The following BACE2 variants were observed in gnomAD, a reference collection of about 807,000 sequenced individuals.
The protein encoded by BACE2 is 56 kDa aspartic-like protease.
BACE2 carries 17 observed loss-of-function variants against 46.2 expected under a neutral mutation model. The observed-to-expected ratio is 0.37, with a 90% CI of 0.25 to 0.55. The LOEUF is 0.55. BACE2 is among the 20% of genes least tolerant of loss of function. The pLI, the probability that BACE2 is intolerant of heterozygous loss-of-function variation, is 0.82. For synonymous variants in BACE2, 277 were observed against 295.9 expected (o/e 0.94, Z 0.66); for missense variants, 595 against 698.1 (o/e 0.85, Z 1.66).
At chr21:41,247,242 G>A (rs1987497195) in intron 6 of BACE2, among the ~76,000 whole-genome samples, 1 of 152,160 alleles carries the variant, frequency 6.6e-6, no homozygotes, top group Non-Finnish European at 1.5e-5. Flanking sequence ...TAACTGCTGC[G>A]GGAAGAGCGG....
At chr21:41,244,214 G>A (rs1219504709) in intron 5 of BACE2, among the ~76,000 whole-genome samples, 4 of 152,158 alleles carry the variant, frequency 2.6e-5, no homozygotes, top group Admixed American at 2.0e-4. Flanking sequence ...ACTTCTGTTC[G>A]TATTACCCAT....
Position 41,226,285 on chromosome 21 carries a change from C to T in BACE2, c.332C>T (p.Thr111Ile), listed in dbSNP as rs754811935. ...PPQKLQILVD[T>I]GSSNFAVAGT... Reference sequence around the variant, plus strand: ...TAAAAGCTACAGATTCTCGTTGACACTGGAAGCAGTAACTTTGCCGTGGCA... The same window carrying T: ...TAAAAGCTACAGATTCTCGTTGACATTGGAAGCAGTAACTTTGCCGTGGCA... Residue 111 changes from threonine to isoleucine, a missense_variant, in exon 2 of 9, where the codon ACT becomes ATT. This residue lies in a region of BACE2 where 248 missense variants were observed against 261.4 expected (regional missense o/e 0.95). Coordinates refer to ENST00000330333, the MANE Select transcript of BACE2 (RefSeq NM_012105.5). 1 of 1,613,692 alleles carries T rather than the reference C, an allele frequency of 6.2e-7. No homozygotes were observed. Among genetic ancestry groups the T allele is most frequent in the Non-Finnish European group, 8.5e-7 (1 of 1,179,886 alleles).
At chr21:41,244,362 G>T (rs1473550395) in intron 5 of BACE2, among the ~76,000 whole-genome samples, 1 of 152,170 alleles carries the variant, frequency 6.6e-6, no homozygotes, top group Non-Finnish European at 1.5e-5. Flanking sequence ...TCTGAAAAGA[G>T]AGTCAGTGAA....
At position 41,241,871 on chromosome 21, in the gene BACE2, T is replaced by C; in HGVS notation, c.671T>C (p.Ile224Thr). The change falls in exon 4 of 9, where the codon ATC (isoleucine) becomes ACC (threonine). Residue 224 changes from isoleucine to threonine, a missense_variant. Around this residue, in one of 3 missense-constraint regions of BACE2, gnomAD observed 343 missense variants for 419.4 expected, o/e 0.82. Coordinates refer to ENST00000330333, the MANE Select transcript of BACE2 (RefSeq NM_012105.5). ...GACTCCCTGGTGACACAAGCAAACATCCCCAACGTTTTCTCCATGCAGATG... is the reference window on the plus strand; with the variant it reads ...GACTCCCTGGTGACACAAGCAAACACCCCCAACGTTTTCTCCATGCAGATG... Reference protein sequence around the residue: ...FFDSLVTQANIPNVFSMQMCG... With the variant: ...FFDSLVTQANTPNVFSMQMCG... 1 of 1,614,024 alleles carries C rather than the reference T, an allele frequency of 6.2e-7. No homozygotes were observed.
At chr21:41,272,706 T>C (rs556485018) in intron 8 of BACE2, among the ~76,000 whole-genome samples, 2 of 152,352 alleles carry the variant, frequency 1.3e-5, no homozygotes, top group African/African-American at 2.4e-5. Flanking sequence ...CTGAGTAGAA[T>C]ACAGTTATAA....
chr21:41,221,517 T>G (rs868107557), intron 1 of BACE2, among the ~76,000 whole-genome samples: 1 of 152,256 alleles, frequency 6.6e-6, no homozygotes. Context: ...ATAATTTTGT[T>G]GTCGATTCCA....
At chr21:41,224,209 A>ATTT (rs10658440) in intron 1 of BACE2, among the ~76,000 whole-genome samples, 3,145 of 98,746 alleles carry the variant, frequency 0.032, 432 homozygotes, top group African/African-American at 0.13. Context: ...GCCTATTTTG[A>ATTT]TTTTTTTTTT....
At chr21:41,223,353 C>CA (rs112376990) in intron 1 of BACE2, among the ~76,000 whole-genome samples, 1,362 of 127,158 alleles carry the variant, frequency 0.011, 8 homozygotes, top group African/African-American at 0.025. Flanking sequence ...GAGACACTGT[C>CA]AAAAAAAAAA....
intron 8 of BACE2, among the ~76,000 whole-genome samples, chr21:41,259,142 T>G (rs1258099017): frequency 6.6e-6 from 1 of 152,248 alleles, no homozygotes; most frequent in Non-Finnish European, 1.5e-5. Context: ...GAATTACTGT[T>G]GGAAATGGTG....
chr21:41,215,065 A>G (rs902905108), intron 1 of BACE2, among the ~76,000 whole-genome samples: 5 of 152,078 alleles, frequency 3.3e-5, no homozygotes, highest in Non-Finnish European at 7.3e-5. Flanking sequence ...GAGCTCAGAG[A>G]TGACCGTGGG....
chr21:41,246,144 C>G, intron 6 of BACE2, 81 bp downstream of exon 6: 2 of 1,017,916 alleles, frequency 2.0e-6, no homozygotes, highest in Non-Finnish European at 2.9e-6. Context: ...GTGTTCTGAG[C>G]ATCTCTGAAC....
At chr21:41,265,092 G>C (rs1215835973) in intron 8 of BACE2, among the ~76,000 whole-genome samples, 1 of 150,570 alleles carries the variant, frequency 6.6e-6, no homozygotes, top group African/African-American at 2.4e-5. Context: ...AATTTAAAAG[G>C]CTAGGTAATA....
In BACE2 at chr21:41,278,232, T is replaced by C. The variant is rs2088510849; in HGVS notation, c.*2608T>C. On this transcript the variant is annotated 3_prime_UTR_variant, in exon 9 of 9. Transcript: ENST00000330333. ...TCAAGTCTGATGGGAAATGAATAGA[T>C]GCTGCTTTATTTCCTTGATAACTTC... 6.6e-6 allele frequency: 1 copy of C among 152,270 alleles called. No individual in the cohort carries two copies. The highest frequency in any genetic ancestry group is 1.5e-5 in the Non-Finnish European group (1 of 68,044). The allele number at this position is 152,270 out of a possible 1,614,324, so 9.4% of individuals were successfully genotyped here. A position where few individuals can be genotyped will look rare whatever the true frequency, so the allele number is the denominator to read the frequency against.
intron 2 of BACE2, 136 bp downstream of exon 2, chr21:41,226,490 A>G: frequency 1.4e-6 from 1 of 698,844 alleles, no homozygotes; most frequent in Non-Finnish European, 2.5e-6. Context: ...GTATGTATAC[A>G]CACATGTGGA....
intron 8 of BACE2, among the ~76,000 whole-genome samples, chr21:41,257,954 G>A (rs1232746586): frequency 1.3e-5 from 2 of 152,146 alleles, no homozygotes. Context: ...TGCTTGAAAC[G>A]GAGTGCTCAC....
intron 8 of BACE2, among the ~76,000 whole-genome samples, chr21:41,268,545 T>C (rs937079329): frequency 6.6e-6 from 1 of 152,220 alleles, no homozygotes; most frequent in African/African-American, 2.4e-5. Context: ...TAATGCTTTA[T>C]GTCTGACCAT....
intron 2 of BACE2, among the ~76,000 whole-genome samples, chr21:41,226,943 G>A (rs536573481): frequency 3.3e-4 from 50 of 152,262 alleles, no homozygotes; most frequent in African/African-American, 1.0e-3. Context: ...ATGGGGTGGA[G>A]TTGAGAAAAA....
At chr21:41,206,034 T>G (rs79660019) in intron 1 of BACE2, among the ~76,000 whole-genome samples, 4,505 of 152,292 alleles carry the variant, frequency 0.03, 233 homozygotes, top group African/African-American at 0.1. Flanking sequence ...AACACAAGTG[T>G]CTGTGGACAG....
Position 41,275,777 on chromosome 21 carries a change from T to A in BACE2, c.*153T>A. ...CCAGATGCCTTCTAGATTCACTGTC[T>A]TTTGATTCTTGATTTTCAAGCTTTC... On this transcript the variant is annotated 3_prime_UTR_variant, in exon 9 of 9. Transcript: ENST00000330333. The A allele has an allele frequency of 5.8e-6, 5 of 861,514 alleles. No individual in the cohort carries two copies. The highest frequency in any genetic ancestry group is 8.6e-6 in the Non-Finnish European group (5 of 579,052). The allele number at this position is 861,514 out of a possible 1,614,324, so 53.4% of individuals were successfully genotyped here. A position where few individuals can be genotyped will look rare whatever the true frequency, so the allele number is the denominator to read the frequency against.
Sources: allele counts gnomAD v4.1 joint callset (sites outside exome capture counted in the v4.1 genomes callset), GRCh38; gene constraint gnomAD v4.1.1; regional missense constraint gnomAD v4.1.1; transcripts MANE v1.5; gene names NCBI Gene and HGNC (gene_info 2026-07-23, HGNC 2026-07-21).